The following RAPGEF4 variants were observed in gnomAD, a reference collection of about 807,000 sequenced individuals.
RAPGEF4 encodes the protein RAP guanine-nucleotide-exchange factor (GEF) 4.
Under a neutral mutation model 147.9 loss-of-function variants are expected in RAPGEF4, and 66 were observed. The ratio of observed to expected loss-of-function variants is 0.45; its 90% CI spans 0.37 to 0.55. RAPGEF4 has a LOEUF of 0.55. RAPGEF4 is among the 20% of genes least tolerant of loss of function. The pLI is 0.00. For synonymous variants in RAPGEF4, 419 were observed against 442.7 expected, an observed-to-expected ratio of 0.95 and a Z score of 0.67; for missense variants, 1,071 against 1,257.3, an observed-to-expected ratio of 0.85 and a Z score of 2.24.
chr2:172,931,174 G>GGGT (rs1162537187), intron 6 of RAPGEF4, among the ~76,000 whole-genome samples: 2 of 98,230 alleles, frequency 2.0e-5, no homozygotes, highest in East Asian at 7.2e-4. Flanking sequence ...GGCCGGGGTG[G>GGGT]GGGGGGGGGG....
intron 4 of RAPGEF4, among the ~76,000 whole-genome samples, chr2:172,887,911 C>T (rs888468007): frequency 1.3e-5 from 2 of 152,008 alleles, no homozygotes; most frequent in Non-Finnish European, 2.9e-5. Context: ...GTATTTTTTC[C>T]TCTTCTAGGC....
intron 4 of RAPGEF4, among the ~76,000 whole-genome samples, chr2:172,817,308 A>C (rs1295137327): frequency 6.6e-6 from 1 of 152,204 alleles, no homozygotes; most frequent in Non-Finnish European, 1.5e-5. Context: ...CTTTAGGTGC[A>C]TGATTTGAAT....
At chr2:172,923,494 C>T (rs1213524200) in intron 6 of RAPGEF4, among the ~76,000 whole-genome samples, 1 of 152,178 alleles carries the variant, frequency 6.6e-6, no homozygotes, top group Admixed American at 6.5e-5. Flanking sequence ...TCTCGAACTC[C>T]TGACCTCAAG....
chr2:172,976,570 C>T (rs78837915), intron 10 of RAPGEF4, among the ~76,000 whole-genome samples: 1 of 152,126 alleles, frequency 6.6e-6, no homozygotes, highest in East Asian at 1.9e-4. Flanking sequence ...ATTTTAGAAA[C>T]CTCGAAGCTT....
At chr2:172,958,841 ATTC>A (rs1369299751) in intron 6 of RAPGEF4, among the ~76,000 whole-genome samples, 1 of 152,202 alleles carries the variant, frequency 6.6e-6, no homozygotes, top group African/African-American at 2.4e-5. Context: ...AAAGTTTAGT[ATTC>A]TTTTCTCTTT....
intron 6 of RAPGEF4, 147 bp from the exon 7 acceptor site, chr2:172,960,613 T>A (rs1379645061): frequency 1.8e-6 from 1 of 560,118 alleles, no homozygotes; most frequent in Non-Finnish European, 3.0e-6. Flanking sequence ...TGCATTCAAG[T>A]TCTTTAGGCA....
chr2:172,811,286 T>C (rs996997178), intron 3 of RAPGEF4, among the ~76,000 whole-genome samples: 1 of 152,240 alleles, frequency 6.6e-6, no homozygotes, highest in African/African-American at 2.4e-5. Flanking sequence ...CTGGCAGGGC[T>C]CCAGCAGCAT....
Position 173,036,118 on chromosome 2 carries a change from T to G in RAPGEF4, c.2701-7T>G. 1.3e-6 allele frequency: 2 copies of G among 1,598,066 alleles called. No homozygotes were observed. The highest frequency in any genetic ancestry group is 1.7e-6 in the Non-Finnish European group (2 of 1,165,914). On this transcript the variant is annotated splice_region_variant and splice_polypyrimidine_tract_variant and intron_variant, in intron 27 of 30. Coordinates refer to ENST00000397081, the MANE Select transcript of RAPGEF4 (RefSeq NM_007023.4). ...GTCATTACCATCATCTCTTTTTCTCTCCTAAGGACCCTTCAAGGAACCACA... is the reference window on the plus strand; with the variant it reads ...GTCATTACCATCATCTCTTTTTCTCGCCTAAGGACCCTTCAAGGAACCACA...
Position 172,990,940 on chromosome 2 carries a change from A to G in RAPGEF4, c.1490+15A>G. 6.4e-7 allele frequency: 1 copy of G among 1,554,438 alleles called. No homozygotes were observed. Among genetic ancestry groups the G allele is most frequent in the Non-Finnish European group, 8.9e-7 (1 of 1,126,802 alleles). On this transcript the variant is annotated intron_variant, in intron 15 of 30. Coordinates refer to ENST00000397081, the MANE Select transcript of RAPGEF4 (RefSeq NM_007023.4). ...CCTCAGCAAAAGTATGTTTGCATCC[A>G]ACACTGTAATTGCCAGACTATGATT...
chr2:172,846,180 C>T (rs1453387307), intron 4 of RAPGEF4, among the ~76,000 whole-genome samples: 1 of 152,194 alleles, frequency 6.6e-6, no homozygotes, highest in Non-Finnish European at 1.5e-5. Context: ...TAACCACTGT[C>T]ATAATCTAGT....
At chr2:172,743,494 T>C (rs1694488799) in intron 1 of RAPGEF4, among the ~76,000 whole-genome samples, 1 of 152,234 alleles carries the variant, frequency 6.6e-6, no homozygotes, top group Non-Finnish European at 1.5e-5. Context: ...AAACTCTGTA[T>C]CTGTGGCTTA....
intron 1 of RAPGEF4, among the ~76,000 whole-genome samples, chr2:172,755,260 A>G (rs1176168777): frequency 6.6e-6 from 1 of 152,234 alleles, no homozygotes; most frequent in Non-Finnish European, 1.5e-5. Flanking sequence ...TAATCCCTTT[A>G]GGTAAGATTA....
chr2:172,829,055 T>C (rs1690000047), intron 4 of RAPGEF4, among the ~76,000 whole-genome samples: 1 of 152,084 alleles, frequency 6.6e-6, no homozygotes, highest in African/African-American at 2.4e-5. Context: ...TTAGGGAAAG[T>C]GGAGGCCAGA....
At chr2:173,015,248 TA>T (rs1438861040) in intron 18 of RAPGEF4, among the ~76,000 whole-genome samples, 3 of 152,332 alleles carry the variant, frequency 2.0e-5, no homozygotes, top group Admixed American at 6.5e-5. Flanking sequence ...AAGTGGTTCA[TA>T]AACACTGTTG....
intron 4 of RAPGEF4, among the ~76,000 whole-genome samples, chr2:172,902,104 A>G (rs895153045): frequency 6.6e-5 from 10 of 152,150 alleles, no homozygotes; most frequent in Non-Finnish European, 1.0e-4. Context: ...AGGAGGCTTC[A>G]GGAGGAAAAC....
chr2:172,961,239 T>C lies in RAPGEF4; in HGVS notation c.698+11T>C, dbSNP rs764640540. On this transcript the variant is annotated intron_variant, in intron 8 of 30. Transcript: ENST00000397081. ...CCTAAAGACATACAGGTATGTGTGC[T>C]AATTCTAAAGGCTGTGCCCCGCTCA... The C allele has an allele frequency of 3.2e-6, 5 of 1,540,420 alleles. No individual in the cohort carries two copies. Among genetic ancestry groups the C allele is most frequent in the Middle Eastern group, 1.7e-4 (1 of 5,914 alleles).
At chr2:172,984,712 G>T (rs1031347260) in intron 11 of RAPGEF4, among the ~76,000 whole-genome samples, 2 of 152,160 alleles carry the variant, frequency 1.3e-5, no homozygotes, top group Non-Finnish European at 2.9e-5. Flanking sequence ...GATGTAGAGG[G>T]AAGTAAGGAA....
At chr2:172,840,710 A>G (rs1485915885) in intron 4 of RAPGEF4, among the ~76,000 whole-genome samples, 1 of 152,234 alleles carries the variant, frequency 6.6e-6, no homozygotes, top group East Asian at 1.9e-4. Context: ...TTTTGTAGGA[A>G]AGAATCCAAA....
chr2:172,944,224 G>GA lies in RAPGEF4; in HGVS notation c.538-16529dup, dbSNP rs533954178. On this transcript the variant is annotated intron_variant, in intron 6 of 30. Transcript: ENST00000397081. Reference sequence around the variant, plus strand: ...GCATCCTGGGAGGAGCCTCACTGTAGAAAAAAAGAAGGAAACTGACAGGTC... The same window carrying GA: ...GCATCCTGGGAGGAGCCTCACTGTAGAAAAAAAAGAAGGAAACTGACAGGTC... Among the ~76,000 whole-genome samples, 402 of 152,148 alleles carry GA rather than the reference G, an allele frequency of 2.6e-3. 3 individuals are homozygous for GA. The highest frequency in any genetic ancestry group is 9.2e-3 in the African/African-American group (384 of 41,518).
Sources: gnomAD v4.1 joint callset for allele counts (sites outside exome capture counted in the v4.1 genomes callset) on GRCh38, gnomAD v4.1.1 for gene constraint, MANE v1.5 for transcripts, NCBI Gene and HGNC (gene_info 2026-07-23, HGNC 2026-07-21) for gene names.